Variants in UGT1A3 observed in about 807,000 individuals in gnomAD.
UGT1A3 encodes the protein UDP glucuronosyltransferase family 1 member A3.
Under a neutral mutation model 41.0 loss-of-function variants are expected in UGT1A3, and 31 were observed. The ratio of observed to expected loss-of-function variants is 0.76; its 90% CI spans 0.57 to 1.02. The LOEUF (loss-of-function observed/expected upper bound fraction) is 1.02. Ranked by LOEUF, UGT1A3 falls within the 50% of genes least tolerant of loss-of-function variation. The probability of loss-of-function intolerance (pLI) is 0.00; values close to 1 mark genes in which losing one functional copy is unlikely to be tolerated. For synonymous variants in UGT1A3, 262 were observed against 257.6 expected, an observed-to-expected ratio of 1.02 and a Z score of -0.17; for missense variants, 737 against 671.0, an observed-to-expected ratio of 1.10 and a Z score of -1.09.
intron 1 of UGT1A3, among the ~76,000 whole-genome samples, chr2:233,744,973 G>T (rs771503200): frequency 1.3e-5 from 2 of 151,732 alleles, no homozygotes; most frequent in African/African-American, 2.4e-5. Context: ...CCTTCTTTAA[G>T]CCTCTAGTCA....
At position 233,767,163 on chromosome 2, in the gene UGT1A3, A is replaced by C; in HGVS notation, c.997A>C (p.Thr333Pro). ...TGATGCTTTGGGCAAAATCCCTCAG[A>C]CAGTAAGAAGATTCTATACCATGGC... is the stretch of plus-strand genomic sequence containing the variant. Reference protein sequence around the residue: ...IADALGKIPQTVLWRYTGTRP... With the variant: ...IADALGKIPQPVLWRYTGTRP... Residue 333 changes from threonine (T) to proline (P), a missense_variant and splice_region_variant, in exon 2 of 5, where the codon ACA becomes CCA. Thr to Pro is a conservative substitution (Grantham distance 38). Coordinates refer to ENST00000482026, the MANE Select transcript of UGT1A3 (RefSeq NM_019093.4). The C allele has an allele frequency of 6.2e-7, 1 of 1,614,100 alleles. No individual in the cohort carries two copies. The highest frequency in any genetic ancestry group is 8.5e-7 in the Non-Finnish European group (1 of 1,180,006).
At position 233,772,425 on chromosome 2, in the gene UGT1A3, G is replaced by A; in HGVS notation, c.1471G>A (p.Asp491Asn). The change falls in exon 5 of 5, where the codon GAC (aspartate) becomes AAC (asparagine). Residue 491 changes from aspartate (D) to asparagine (N), a missense_variant. By Grantham distance (23) the Asp-to-Asn change is conservative (BLOSUM62 1). Transcript: ENST00000482026. Reference protein sequence around the residue: ...DLTWYQYHSLDVIGFLLAVVL... With the variant: ...DLTWYQYHSLNVIGFLLAVVL... ...CACCTGGTACCAGTACCATTCCTTG[G>A]ACGTGATTGGTTTCCTCTTGGCCGT... 1.2e-6 allele frequency: 2 copies of A among 1,614,224 alleles called. No individual in the cohort carries two copies. Among genetic ancestry groups the A allele is most frequent in the Non-Finnish European group, 1.7e-6 (2 of 1,180,044 alleles).
chr2:233,767,127 A>G lies in UGT1A3; in HGVS notation c.961A>G (p.Met321Val), dbSNP rs749159613. 5.0e-6 allele frequency: 8 copies of G among 1,614,028 alleles called. No homozygotes were observed. Among genetic ancestry groups the G allele is most frequent in the South Asian group, 2.2e-5 (2 of 91,084 alleles). The change falls in exon 2 of 5, where the codon ATG (methionine) becomes GTG (valine). Residue 321 changes from methionine (M) to valine (V), a missense_variant. Met to Val is a conservative substitution (Grantham distance 21). Coordinates refer to ENST00000482026, the MANE Select transcript of UGT1A3 (RefSeq NM_019093.4). Reference sequence around the variant, plus strand: ...CTCAGAAATTCCAGAGAAGAAAGCTATGGCAATTGCTGATGCTTTGGGCAA... The same window carrying G: ...CTCAGAAATTCCAGAGAAGAAAGCTGTGGCAATTGCTGATGCTTTGGGCAA... The part of the protein sequence containing the change: ...MVSEIPEKKA[M>V]AIADALGKIP...
At chr2:233,744,111 T>C in intron 1 of UGT1A3, 1 of 390,020 alleles carries the variant, frequency 2.6e-6, no homozygotes, top group Non-Finnish European at 4.7e-6. Context: ...CTGGCCCTGC[T>C]CTCTGTGAGG....
chr2:233,769,857 C>CA lies in UGT1A3; in HGVS notation c.1307+1435dup, dbSNP rs879204025. On this transcript the variant is annotated intron_variant, in intron 4 of 4. Coordinates refer to ENST00000482026, the MANE Select transcript of UGT1A3 (RefSeq NM_019093.4). This position sits in a 1 kb window ranked among gnomAD's most constrained non-coding sequence, Gnocchi z 4.4. ...TGGGCAACAGAGTGAGACCCTGTCT[C>CA]AAAAAAAAAAAAAAAAATGAAAAGT... The CA allele has an allele frequency of 0.16, 34,791 of 223,900 alleles. 2,719 individuals are homozygous for CA. Among genetic ancestry groups the CA allele is most frequent in the African/African-American group, 0.37 (13,208 of 35,902 alleles). 13.9% of individuals were successfully genotyped at this position (223,900 alleles called of 1,614,324 possible).
At chr2:233,742,936 C>T (rs78644424) in intron 1 of UGT1A3, 5,022 of 211,572 alleles carry the variant, frequency 0.024, 84 homozygotes, top group Non-Finnish European at 0.03. Flanking sequence ...ACATTCTGTC[C>T]TACCACTAGC....
chr2:233,752,750 C>G (rs1270384572), intron 1 of UGT1A3, among the ~76,000 whole-genome samples: 1 of 151,980 alleles, frequency 6.6e-6, no homozygotes, highest in African/African-American at 2.4e-5. Flanking sequence ...GTCTCTAAAA[C>G]AAACAAACAA....
rs558109660 is a variant in UGT1A3, at chr2:233,768,353, TA to T, written c.1223del (p.Lys408ArgfsTer5). The T allele has an allele frequency of 4.0e-5, 64 of 1,614,032 alleles. No individual in the cohort carries two copies. Among genetic ancestry groups the T allele is most frequent in the Non-Finnish European group, 5.4e-5 (64 of 1,180,040 alleles). ...TGGACAATGCAAAGCGCATGGAGAC[TA>T]AGGGAGCTGGAGTGACCCTGAATGT... ...QMDNAKRMET[K>X]GAGVTLNVLE... is the part of the protein sequence containing the mutation. On this transcript the variant is annotated frameshift_variant, in exon 4 of 5. Coordinates refer to ENST00000482026, the MANE Select transcript of UGT1A3 (RefSeq NM_019093.4). LOFTEE classifies it high-confidence loss of function.
At chr2:233,733,420 A>C (rs1380282532) in intron 1 of UGT1A3, among the ~76,000 whole-genome samples, 1 of 152,116 alleles carries the variant, frequency 6.6e-6, no homozygotes, top group African/African-American at 2.4e-5. Context: ...GTTTTCGCCT[A>C]CTCAGTATGA....
rs1699345789 is a variant in UGT1A3 at position 233,767,247 on chromosome 2, C to T, written c.999+82C>T. 3.2e-5 allele frequency: 52 copies of T among 1,603,298 alleles called. No individual in the cohort carries two copies. In the South Asian group the frequency reaches 5.5e-4, roughly 17 times the overall value. ...GACTTCCAGCTTCCAGATTAATTCTCTTAATTGGAACCTTAGATTTGGCTT... is the reference window on the plus strand; with the variant it reads ...GACTTCCAGCTTCCAGATTAATTCTTTTAATTGGAACCTTAGATTTGGCTT... On this transcript the variant is annotated intron_variant, in intron 2 of 4. Coordinates refer to ENST00000482026, the MANE Select transcript of UGT1A3 (RefSeq NM_019093.4).
chr2:233,732,054 CA>C (rs1380241108), intron 1 of UGT1A3, among the ~76,000 whole-genome samples: 13 of 152,278 alleles, frequency 8.5e-5, no homozygotes, highest in Non-Finnish European at 4.4e-5. Flanking sequence ...AGCATTTATT[CA>C]TGTGTCTGTT....
Position 233,766,771 on chromosome 2 carries a change from C to T in UGT1A3, c.868-263C>T, listed in dbSNP as rs71528513. ...GTGCATGTGTGTGCATGTACCTGTG[C>T]TTTTCTTTTGGAAAACTAGCACATT... On this transcript the variant is annotated intron_variant, in intron 1 of 4. Transcript: ENST00000482026. 5.2e-3 allele frequency among the ~76,000 whole-genome samples: 785 copies of T among 152,286 alleles called. 3 individuals are homozygous for T. The highest frequency in any genetic ancestry group is 8.7e-3 in the Non-Finnish European group (595 of 68,032).
chr2:233,739,456 G>A (rs1691109479), intron 1 of UGT1A3, among the ~76,000 whole-genome samples: 1 of 152,244 alleles, frequency 6.6e-6, no homozygotes, highest in African/African-American at 2.4e-5. Flanking sequence ...CACAGGGTTG[G>A]AGCTGCCTGA....
At chr2:233,738,284 C>T (rs1690749854) in intron 1 of UGT1A3, among the ~76,000 whole-genome samples, 1 of 152,160 alleles carries the variant, frequency 6.6e-6, no homozygotes, top group Non-Finnish European at 1.5e-5. Context: ...TTATAAATTA[C>T]CCAGTCTTGG....
chr2:233,767,839 C>T lies in UGT1A3; in HGVS notation c.1000-10C>T. 6.2e-7 allele frequency: 1 copy of T among 1,614,144 alleles called. No homozygotes were observed. Among genetic ancestry groups the T allele is most frequent in the South Asian group, 1.1e-5 (1 of 91,080 alleles). ...CTTTCTTTACGTTCTGCTCTTTTTG[C>T]CCCTCCCAGGTCCTGTGGCGGTACA... On this transcript the variant is annotated splice_polypyrimidine_tract_variant and intron_variant, in intron 2 of 4. Transcript: ENST00000482026.
chr2:233,766,832 C>T (rs1042829925), intron 1 of UGT1A3, among the ~76,000 whole-genome samples: 12 of 152,168 alleles, frequency 7.9e-5, no homozygotes, highest in African/African-American at 2.9e-4. Context: ...ATTCTGTAAG[C>T]AGGAACCCTT....
chr2:233,753,747 C>A (rs1162212818), intron 1 of UGT1A3: 2 of 152,344 alleles, frequency 1.3e-5, no homozygotes, highest in African/African-American at 4.8e-5. Context: ...AGCAATAGGA[C>A]AGTTTTGCGT....
chr2:233,747,868 C>A, intron 1 of UGT1A3: 1 of 1,613,534 alleles, frequency 6.2e-7, no homozygotes, highest in South Asian at 1.1e-5. Flanking sequence ...TACCCTCTGG[C>A]CCTGTCCTAC....
intron 1 of UGT1A3, among the ~76,000 whole-genome samples, chr2:233,749,553 T>C (rs1486611363): frequency 6.6e-6 from 1 of 151,880 alleles, no homozygotes; most frequent in Non-Finnish European, 1.5e-5. Context: ...AACAGGCTAA[T>C]GTATTCAATA....
Sources: allele counts gnomAD v4.1 joint callset (sites outside exome capture counted in the v4.1 genomes callset), GRCh38; gene constraint gnomAD v4.1.1; non-coding constraint Gnocchi (gnomAD v3.1); transcripts MANE v1.5; gene names NCBI Gene and HGNC (gene_info 2026-07-23, HGNC 2026-07-21).